Variants in LMOD1 observed in about 807,000 individuals in gnomAD.
The protein encoded by LMOD1 is leiomodin 1.
LMOD1 carries 8 observed loss-of-function variants against 36.5 expected under a neutral mutation model. The ratio of observed to expected loss-of-function variants is 0.22; its 90% CI spans 0.13 to 0.40. The LOEUF (loss-of-function observed/expected upper bound fraction) is 0.40. LMOD1 is among the 10% of genes least tolerant of loss of function. The pLI is 1.00. For missense variants in LMOD1, 630 were observed against 751.1 expected (o/e 0.84, Z 1.88); for synonymous variants, 284 against 288.7 (o/e 0.98, Z 0.17).
In LMOD1 at chr1:201,920,297, C is replaced by G. The variant is rs576941718; in HGVS notation, c.262-19546G>C. ...CTGGTCTTGAACTCCTGACCTCAGA[C>G]GATCCGCCCGCCTCAGCCTCCCACC... On this transcript the variant is annotated intron_variant, in intron 1 of 2. Coordinates refer to ENST00000367288, the MANE Select transcript of LMOD1 (RefSeq NM_012134.3). Among the ~76,000 whole-genome samples the G allele has an allele frequency of 6.3e-4, 95 of 151,872 alleles. 1 individual carries two copies. The Middle Eastern group carries it at 0.014, about 22-fold the overall frequency.
chr1:201,901,609 T>TATACAC (rs1681319369), intron 1 of LMOD1, among the ~76,000 whole-genome samples: 1 of 39,162 alleles, frequency 2.6e-5, no homozygotes, highest in African/African-American at 1.0e-4. Context: ...TATATATATA[T>TATACAC]ACACATATAT....
intron 1 of LMOD1, among the ~76,000 whole-genome samples, chr1:201,919,948 A>G (rs1042253456): frequency 6.7e-6 from 1 of 150,252 alleles, no homozygotes; most frequent in Non-Finnish European, 1.5e-5. Flanking sequence ...AGCCTTTTTC[A>G]GTGTCTTCCT....
intron 1 of LMOD1, among the ~76,000 whole-genome samples, chr1:201,904,805 C>T (rs1031256252): frequency 2.0e-5 from 3 of 152,216 alleles, no homozygotes; most frequent in African/African-American, 7.2e-5. Context: ...AGCACTCAAA[C>T]GTTGCCTTAA....
chr1:201,942,421 C>T (rs1177599495), intron 1 of LMOD1, among the ~76,000 whole-genome samples: 5 of 152,140 alleles, frequency 3.3e-5, no homozygotes, highest in Non-Finnish European at 5.9e-5. Flanking sequence ...ACAGGCAGAA[C>T]AAATAGGAGT....
At chr1:201,901,514 ATAT>A (rs1558234563) in intron 1 of LMOD1, among the ~76,000 whole-genome samples, 11 of 38,858 alleles carry the variant, frequency 2.8e-4, no homozygotes, top group African/African-American at 1.2e-3. Flanking sequence ...AAAAAAAAAT[ATAT>A]ATATATATAT....
At position 201,898,371 on chromosome 1, in the gene LMOD1, C is replaced by T. The variant is rs747757012; in HGVS notation, c.*1G>A. The T allele has an allele frequency of 1.2e-6, 2 of 1,612,704 alleles. No individual in the cohort carries two copies. Among genetic ancestry groups the T allele is most frequent in the African/African-American group, 1.3e-5 (1 of 75,012 alleles). On this transcript the variant is annotated 3_prime_UTR_variant, in exon 3 of 3. Transcript: ENST00000367288. ...GGCAGATGGTGCCTGGCAGCCTGGT[C>T]CTACTGAAGCAGTTTGGGCACTTCC...
intron 1 of LMOD1, among the ~76,000 whole-genome samples, chr1:201,939,748 C>T (rs1682082355): frequency 7.1e-6 from 1 of 141,192 alleles, no homozygotes; most frequent in African/African-American, 2.6e-5. Context: ...GTGTGTTGTT[C>T]CTCTGCTCCT....
intron 1 of LMOD1, among the ~76,000 whole-genome samples, chr1:201,932,594 A>G: frequency 6.6e-6 from 1 of 152,050 alleles, no homozygotes; most frequent in South Asian, 2.1e-4. Context: ...TCTACTCAAA[A>G]TAAAAAAATT....
At chr1:201,924,087 C>T (rs192332713) in intron 1 of LMOD1, among the ~76,000 whole-genome samples, 7 of 151,098 alleles carry the variant, frequency 4.6e-5, no homozygotes, top group Middle Eastern at 3.4e-3. Flanking sequence ...GAGGCCGAGG[C>T]GGGCAGATCA....
At chr1:201,914,254 G>T (rs542551497) in intron 1 of LMOD1, among the ~76,000 whole-genome samples, 1 of 152,268 alleles carries the variant, frequency 6.6e-6, no homozygotes, top group South Asian at 2.1e-4. Context: ...CACACCCCAC[G>T]TGGTGCCGTC....
intron 1 of LMOD1, among the ~76,000 whole-genome samples, chr1:201,923,015 G>C (rs1465609165): frequency 2.6e-5 from 4 of 152,054 alleles, no homozygotes; most frequent in African/African-American, 9.7e-5. Flanking sequence ...AGTAGAGATA[G>C]GGTTTCACCA....
At chr1:201,904,539 C>T (rs531980481) in intron 1 of LMOD1, among the ~76,000 whole-genome samples, 6 of 152,286 alleles carry the variant, frequency 3.9e-5, no homozygotes, top group African/African-American at 1.2e-4. Context: ...TCCCTGACAC[C>T]GCACATCCTG....
intron 1 of LMOD1, among the ~76,000 whole-genome samples, chr1:201,903,174 A>G (rs79175016): frequency 0.016 from 2,411 of 152,346 alleles, 78 homozygotes; most frequent in African/African-American, 0.056. Context: ...AGTGAGTCCT[A>G]TGGAAACGGT....
At chr1:201,945,212 A>C (rs1286190044) in intron 1 of LMOD1, among the ~76,000 whole-genome samples, 1 of 138,618 alleles carries the variant, frequency 7.2e-6, no homozygotes, top group Non-Finnish European at 1.6e-5. Flanking sequence ...CAATAGTGAC[A>C]AAAAAAAAAT....
At chr1:201,900,799 G>A (rs752970856) in intron 1 of LMOD1, 48 bp from the exon 2 acceptor site, 11 of 1,503,400 alleles carry the variant, frequency 7.3e-6, no homozygotes, top group East Asian at 2.3e-5. Flanking sequence ...GGCTACAGAG[G>A]GAGAGGAATG....
At position 201,897,173 on chromosome 1, in the gene LMOD1, C is replaced by CG; in HGVS notation, c.*1198_*1199insC. Reference sequence around the variant, plus strand: ...GATGAGGCCCCTCTGAGCCCTAGGGCACACAGATATGGGTGCTATTCTCCA... The same window carrying CG: ...GATGAGGCCCCTCTGAGCCCTAGGGCGACACAGATATGGGTGCTATTCTCCA... On this transcript the variant is annotated 3_prime_UTR_variant, in exon 3 of 3. Coordinates refer to ENST00000367288, the MANE Select transcript of LMOD1 (RefSeq NM_012134.3). The CG allele has an allele frequency of 1.3e-5, 3 of 226,836 alleles. No homozygotes were observed. The highest frequency in any genetic ancestry group is 6.2e-5 in the South Asian group (1 of 16,060). 14.1% of individuals were successfully genotyped at this position (226,836 alleles called of 1,614,324 possible).
rs572385248 is a variant in LMOD1, at chr1:201,913,355, C to T, written c.262-12604G>A. 5.3e-4 allele frequency among the ~76,000 whole-genome samples: 81 copies of T among 152,222 alleles called. 1 individual carries two copies. The highest frequency in any genetic ancestry group is 1.9e-3 in the African/African-American group (77 of 41,534). On this transcript the variant is annotated intron_variant, in intron 1 of 2. Transcript: ENST00000367288. ...GCACAGTGGCTCATGCATGTAATCCCGGCACTTTGGGAGGCCGAGGCGGGT... is the reference window on the plus strand; with the variant it reads ...GCACAGTGGCTCATGCATGTAATCCTGGCACTTTGGGAGGCCGAGGCGGGT...
intron 1 of LMOD1, among the ~76,000 whole-genome samples, chr1:201,923,908 G>GA (rs1553297743): frequency 8.0e-6 from 1 of 124,264 alleles, no homozygotes; most frequent in Non-Finnish European, 1.7e-5. Flanking sequence ...AGAGAGGGAG[G>GA]GAGAGAGAGA....
At chr1:201,915,886 G>T (rs112709987) in intron 1 of LMOD1, among the ~76,000 whole-genome samples, 155 of 151,990 alleles carry the variant, frequency 1.0e-3, no homozygotes, top group African/African-American at 3.5e-3. Flanking sequence ...CTTGCTGAAG[G>T]CCAGACCCAT....
Sources: gnomAD v4.1 joint callset for allele counts (sites outside exome capture counted in the v4.1 genomes callset) on GRCh38, gnomAD v4.1.1 for gene constraint, MANE v1.5 for transcripts, NCBI Gene and HGNC (gene_info 2026-07-23, HGNC 2026-07-21) for gene names.